The following PCDHA12 variants were observed in gnomAD, a reference collection of about 807,000 sequenced individuals.
PCDHA12 encodes protocadherin alpha 12, also known as protocadherin alpha-12.
PCDHA12 carries 44 observed loss-of-function variants against 60.0 expected under a neutral mutation model. That is an observed-to-expected ratio of 0.73 (90% CI 0.58 to 0.94). The LOEUF is 0.94. PCDHA12 is among the 40% of genes least tolerant of loss of function. PCDHA12 has a pLI of 0.00. For missense variants in PCDHA12, 1,276 were observed against 1,239.7 expected (o/e 1.03, Z -0.44); for synonymous variants, 569 against 553.0 (o/e 1.03, Z -0.40).
intron 1 of PCDHA12, chr5:140,927,673 G>C: frequency 6.2e-7 from 1 of 1,614,224 alleles, no homozygotes; most frequent in Non-Finnish European, 8.5e-7. Flanking sequence ...CTTGGATCCA[G>C]ATGAAGGGTC....
intron 1 of PCDHA12, chr5:140,927,901 GC>G (rs1423958386): frequency 3.1e-6 from 5 of 1,614,084 alleles, no homozygotes; most frequent in Non-Finnish European, 4.2e-6. Context: ...GAACGATCAT[GC>G]CCCCGAACTG....
At chr5:140,972,660 A>T (rs868975656) in intron 1 of PCDHA12, among the ~76,000 whole-genome samples, 47 of 117,276 alleles carry the variant, frequency 4.0e-4, no homozygotes, top group Non-Finnish European at 6.8e-4. Flanking sequence ...AAGAAACCAA[A>T]TTTTTTTTTT....
At chr5:140,968,094 A>T in intron 1 of PCDHA12, 1 of 1,614,138 alleles carries the variant, frequency 6.2e-7, no homozygotes, top group Non-Finnish European at 8.5e-7. Flanking sequence ...ACAGCCACAG[A>T]TGGGGGAATA....
In PCDHA12 at chr5:140,882,314, C is replaced by G. The variant is rs370330527; in HGVS notation, c.2367+4475C>G. 9 of 1,614,000 alleles carry G rather than the reference C, an allele frequency of 5.6e-6. No individual in the cohort carries two copies. The Admixed American group carries it at 6.7e-5, about 12-fold the overall frequency. On this transcript the variant is annotated intron_variant, in intron 1 of 3. Transcript: ENST00000398631. ...AGGCCCAAGACCGCGGCAACTACTGCTCTGGCTTCTGATCCTCGCAGCCTG... is the reference window on the plus strand; with the variant it reads ...AGGCCCAAGACCGCGGCAACTACTGGTCTGGCTTCTGATCCTCGCAGCCTG...
rs1474245483 is a variant in PCDHA12, at chr5:140,946,429, A to C, written c.2368-32520A>C. Reference sequence around the variant, plus strand: ...ATAGAAAACAATATGGAGGTTACTCAAAAATTGAGACTAAAACAACTATCC... The same window carrying C: ...ATAGAAAACAATATGGAGGTTACTCCAAAATTGAGACTAAAACAACTATCC... On this transcript the variant is annotated intron_variant, in intron 1 of 3. Coordinates refer to ENST00000398631, the MANE Select transcript of PCDHA12 (RefSeq NM_018903.4). 2.0e-5 allele frequency among the ~76,000 whole-genome samples: 3 copies of C among 151,826 alleles called. No homozygotes were observed. In the East Asian group the frequency reaches 5.8e-4, roughly 29 times the overall value.
At chr5:140,882,153 AAT>A in intron 1 of PCDHA12, 1 of 1,505,320 alleles carries the variant, frequency 6.6e-7, no homozygotes, top group South Asian at 1.4e-5. Context: ...CAGAAAGCGG[AAT>A]ACCTCTTGCG....
chr5:140,964,531 C>T (rs781961669), intron 1 of PCDHA12, among the ~76,000 whole-genome samples: 4 of 152,058 alleles, frequency 2.6e-5, no homozygotes, highest in Non-Finnish European at 5.9e-5. Context: ...CTCTGAGCTG[C>T]GTGCAGAGAT....
intron 1 of PCDHA12, chr5:140,926,711 C>T: frequency 1.1e-6 from 1 of 925,094 alleles, no homozygotes; most frequent in Non-Finnish European, 1.5e-6. Context: ...AGCTGGCCAG[C>T]CCCGGCAATG....
rs155802 is a variant in PCDHA12, at chr5:140,917,330, A to C, written c.2367+39491A>C. 5.0e-3 allele frequency among the ~76,000 whole-genome samples: 514 copies of C among 103,230 alleles called. 31 individuals carry two copies. The highest frequency in any genetic ancestry group is 8.4e-3 in the Non-Finnish European group (403 of 48,222). The allele number at this position is 103,230 out of a possible 152,430, so 67.7% of individuals were successfully genotyped here. A position where few individuals can be genotyped will look rare whatever the true frequency, so the allele number is the denominator to read the frequency against. On this transcript the variant is annotated intron_variant, in intron 1 of 3. Coordinates refer to ENST00000398631, the MANE Select transcript of PCDHA12 (RefSeq NM_018903.4). ...CAATTTGGTGTTCATGTGGCGGGGG[A>C]GGGGGGGGATGGTGTAGGCTTCTGT...
intron 1 of PCDHA12, chr5:140,968,679 A>T: frequency 6.2e-7 from 1 of 1,614,176 alleles, no homozygotes; most frequent in South Asian, 1.1e-5. Flanking sequence ...GTAGAGCTGC[A>T]CACAGGAGAA....
chr5:140,995,654 A>C (rs1183016354), intron 3 of PCDHA12, among the ~76,000 whole-genome samples: 2 of 152,184 alleles, frequency 1.3e-5, no homozygotes, highest in Non-Finnish European at 1.5e-5. Flanking sequence ...AGGAGAATCG[A>C]AAAGGGAAGT....
intron 3 of PCDHA12, among the ~76,000 whole-genome samples, chr5:140,993,203 A>AT (rs200893072): frequency 0.015 from 2,264 of 152,198 alleles, 62 homozygotes; most frequent in African/African-American, 0.051. Flanking sequence ...ACTAAAGCTA[A>AT]TTTTTTTAGC....
intron 1 of PCDHA12, among the ~76,000 whole-genome samples, chr5:140,942,139 A>G (rs1211983428): frequency 6.6e-6 from 1 of 152,248 alleles, no homozygotes; most frequent in African/African-American, 2.4e-5. Flanking sequence ...TTGTGGCTTT[A>G]CTTGACATAA....
intron 1 of PCDHA12, chr5:140,928,323 T>C: frequency 1.2e-6 from 2 of 1,614,178 alleles, no homozygotes; most frequent in Non-Finnish European, 1.7e-6. Context: ...TGGGGAAGAA[T>C]GGCCTTGTCT....
intron 1 of PCDHA12, among the ~76,000 whole-genome samples, chr5:140,903,652 T>C (rs1304934693): frequency 6.6e-6 from 1 of 152,234 alleles, no homozygotes; most frequent in Non-Finnish European, 1.5e-5. Context: ...ATACATATAT[T>C]ATAAATTTAA....
At chr5:140,940,776 T>A (rs2092683795) in intron 1 of PCDHA12, among the ~76,000 whole-genome samples, 1 of 152,222 alleles carries the variant, frequency 6.6e-6, no homozygotes, top group African/African-American at 2.4e-5. Flanking sequence ...CTTTTGATGG[T>A]CCATATCCTG....
rs184768008 is a variant in PCDHA12 at position 140,933,949 on chromosome 5, G to C, written c.2368-45000G>C. ...GTTGTGACTTTTTTTCACATCTGCA[G>C]GATCTGTAGTGATGTTTCCCTTTTC... On this transcript the variant is annotated intron_variant, in intron 1 of 3. Coordinates refer to ENST00000398631, the MANE Select transcript of PCDHA12 (RefSeq NM_018903.4). Among the ~76,000 whole-genome samples the C allele has an allele frequency of 8.5e-4, 129 of 151,910 alleles. 1 individual carries two copies. The highest frequency in any genetic ancestry group is 3.0e-3 in the African/African-American group (123 of 41,458).
At chr5:140,915,105 C>T (rs1554196760) in intron 1 of PCDHA12, among the ~76,000 whole-genome samples, 1 of 152,020 alleles carries the variant, frequency 6.6e-6, no homozygotes, top group East Asian at 1.9e-4. Flanking sequence ...ACCACCACAA[C>T]ACCCACCTAA....
chr5:140,878,378 G>T (rs1449332570), intron 1 of PCDHA12, among the ~76,000 whole-genome samples: 3 of 152,178 alleles, frequency 2.0e-5, no homozygotes, highest in African/African-American at 7.2e-5. Flanking sequence ...TATGATGAAT[G>T]ATTTTCTTCA....
Sources: gnomAD v4.1 joint callset for allele counts (sites outside exome capture counted in the v4.1 genomes callset) on GRCh38, gnomAD v4.1.1 for gene constraint, MANE v1.5 for transcripts, NCBI Gene and HGNC (gene_info 2026-07-23, HGNC 2026-07-21) for gene names.